Variants in ACSS3 observed in about 807,000 individuals in gnomAD.
The protein encoded by ACSS3 is acyl-CoA synthetase short chain family member 3.
ACSS3 carries 64 observed loss-of-function variants against 84.2 expected under a neutral mutation model. The observed-to-expected ratio is 0.76, with a 90% CI of 0.62 to 0.94. The LOEUF (loss-of-function observed/expected upper bound fraction) is 0.94. Among genes scored for constraint, ACSS3 ranks in the 40% least tolerant of loss-of-function variants. The pLI, the probability that ACSS3 is intolerant of heterozygous loss-of-function variation, is 0.00. For missense variants in ACSS3, 815 were observed against 867.6 expected (o/e 0.94, Z 0.76); for synonymous variants, 317 against 310.1 (o/e 1.02, Z -0.23).
chr12:81,152,322 C>G (rs896545815), intron 7 of ACSS3, among the ~76,000 whole-genome samples: 10 of 138,030 alleles, frequency 7.2e-5, no homozygotes, highest in Middle Eastern at 4.4e-3. Flanking sequence ...GAAGAACATA[C>G]AAAAACAAGC....
At chr12:81,138,480 A>G (rs73359363) in intron 3 of ACSS3, among the ~76,000 whole-genome samples, 6,682 of 152,286 alleles carry the variant, frequency 0.044, 365 homozygotes, top group African/African-American at 0.12. Flanking sequence ...CATTTTGCCT[A>G]CACCTGTGTT....
intron 9 of ACSS3, among the ~76,000 whole-genome samples, chr12:81,213,102 T>G (rs951059136): frequency 2.0e-5 from 3 of 152,206 alleles, no homozygotes; most frequent in African/African-American, 7.2e-5. Context: ...ATTTCCCAAT[T>G]GCAACATGAC....
At chr12:81,236,248 C>T (rs556399416) in intron 13 of ACSS3, among the ~76,000 whole-genome samples, 55 of 151,518 alleles carry the variant, frequency 3.6e-4, no homozygotes, top group African/African-American at 1.2e-3. Flanking sequence ...AACAATGTTA[C>T]GTGAATTACA....
intron 7 of ACSS3, among the ~76,000 whole-genome samples, chr12:81,164,175 T>G (rs949758457): frequency 6.6e-6 from 1 of 152,210 alleles, no homozygotes; most frequent in African/African-American, 2.4e-5. Flanking sequence ...ATATTTTTAC[T>G]GTTATTTTTC....
At chr12:81,224,014 C>A (rs1178440599) in intron 11 of ACSS3, among the ~76,000 whole-genome samples, 1 of 151,942 alleles carries the variant, frequency 6.6e-6, no homozygotes, top group East Asian at 1.9e-4. Flanking sequence ...ATGGCTGTCA[C>A]TGCTGCCTCA....
intron 13 of ACSS3, among the ~76,000 whole-genome samples, chr12:81,248,160 AC>A (rs1315938505): frequency 2.0e-5 from 3 of 152,010 alleles, no homozygotes; most frequent in African/African-American, 7.2e-5. Context: ...TTTTCGAAAA[AC>A]TAAAAGTAGA....
chr12:81,256,451 T>C lies in ACSS3; in HGVS notation c.*1529T>C, dbSNP rs1380378131. On this transcript the variant is annotated 3_prime_UTR_variant, in exon 16 of 16. Transcript: ENST00000548058. Reference sequence around the variant, plus strand: ...AGACAGATGTAGGAAATTAAATATTTGATTTACTTAGGGATCTATATGACA... The same window carrying C: ...AGACAGATGTAGGAAATTAAATATTCGATTTACTTAGGGATCTATATGACA... 2 of 152,172 alleles carry C rather than the reference T, an allele frequency of 1.3e-5. No homozygotes were observed. The highest frequency in any genetic ancestry group is 1.3e-4 in the Admixed American group (2 of 15,270). 9.4% of individuals were successfully genotyped at this position (152,172 alleles called of 1,614,324 possible).
chr12:81,119,178 G>A (rs975346168), intron 2 of ACSS3, among the ~76,000 whole-genome samples: 4 of 152,100 alleles, frequency 2.6e-5, no homozygotes, highest in Non-Finnish European at 2.9e-5. Context: ...GATTTCAAAA[G>A]GGGAGGGGGT....
At chr12:81,155,409 A>G (rs887108318) in intron 7 of ACSS3, among the ~76,000 whole-genome samples, 1 of 152,080 alleles carries the variant, frequency 6.6e-6, no homozygotes, top group Admixed American at 6.6e-5. Flanking sequence ...CTGAGTACTA[A>G]CCTATTGTTA....
rs184147459 is a variant in ACSS3, at chr12:81,256,012, A to T, written c.*1090A>T. On this transcript the variant is annotated 3_prime_UTR_variant, in exon 16 of 16. Coordinates refer to ENST00000548058, the MANE Select transcript of ACSS3 (RefSeq NM_024560.4). ...GGCAAGGAAAACTCTTAAGAGAGAA[A>T]CATCAAGGTTTTCACATTAGGTTAA... The T allele has an allele frequency of 6.6e-6, 1 of 152,218 alleles. No homozygotes were observed. Among genetic ancestry groups the T allele is most frequent in the Non-Finnish European group, 1.5e-5 (1 of 68,046 alleles). The allele number at this position is 152,218 out of a possible 1,614,324, so 9.4% of individuals were successfully genotyped here. A position where few individuals can be genotyped will look rare whatever the true frequency, so the allele number is the denominator to read the frequency against.
intron 9 of ACSS3, among the ~76,000 whole-genome samples, chr12:81,216,637 C>T (rs538810323): frequency 5.9e-5 from 9 of 152,240 alleles, no homozygotes; most frequent in South Asian, 4.1e-4. Context: ...CAATTGCAAA[C>T]GCTAGAGCAG....
chr12:81,243,639 A>C (rs2033885803), intron 13 of ACSS3, among the ~76,000 whole-genome samples: 1 of 152,214 alleles, frequency 6.6e-6, no homozygotes, highest in Non-Finnish European at 1.5e-5. Flanking sequence ...CCAAAACAGC[A>C]TGGTACTGGT....
chr12:81,123,699 C>G (rs907809405), intron 2 of ACSS3, among the ~76,000 whole-genome samples: 1 of 152,112 alleles, frequency 6.6e-6, no homozygotes, highest in Non-Finnish European at 1.5e-5. Context: ...TAGATCCCAC[C>G]TACATGTGAG....
At chr12:81,146,337 A>G (rs372588571) in intron 5 of ACSS3, among the ~76,000 whole-genome samples, 2 of 152,178 alleles carry the variant, frequency 1.3e-5, no homozygotes, top group South Asian at 2.1e-4. Flanking sequence ...AAATCTTAAT[A>G]TGGGATCCAC....
chr12:81,143,181 T>G lies in ACSS3; in HGVS notation c.855T>G (p.Cys285Trp). Residue 285 changes from cysteine to tryptophan, a missense_variant, in exon 5 of 16, where the codon TGT (cysteine) becomes TGG (tryptophan). Coordinates refer to ENST00000548058, the MANE Select transcript of ACSS3 (RefSeq NM_024560.4). Reference sequence around the variant, plus strand: ...TGGCAAAAGCCCAGTCACATGACTGTGTTCCTGTTCTTTCAGAACACCCAC... The same window carrying G: ...TGGCAAAAGCCCAGTCACATGACTGGGTTCCTGTTCTTTCAGAACACCCAC... ...EEMAKAQSHD[C>W]VPVLSEHPLY... 1 of 1,613,756 alleles carries G rather than the reference T, an allele frequency of 6.2e-7. No individual in the cohort carries two copies. Among genetic ancestry groups the G allele is most frequent in the South Asian group, 1.1e-5 (1 of 91,026 alleles).
intron 13 of ACSS3, among the ~76,000 whole-genome samples, chr12:81,250,918 A>C (rs975503425): frequency 6.6e-6 from 1 of 152,154 alleles, no homozygotes; most frequent in Admixed American, 6.5e-5. Flanking sequence ...GTACTAAAAC[A>C]TATATCTGGC....
intron 4 of ACSS3, among the ~76,000 whole-genome samples, chr12:81,142,299 A>G (rs983443865): frequency 5.3e-5 from 8 of 152,210 alleles, no homozygotes; most frequent in South Asian, 2.1e-4. Context: ...TAAGAAAAAA[A>G]CTAGGCTTTT....
intron 1 of ACSS3, among the ~76,000 whole-genome samples, chr12:81,091,096 C>T (rs78646967): frequency 0.022 from 3,259 of 151,498 alleles, 122 homozygotes; most frequent in African/African-American, 0.074. Flanking sequence ...TTTTGATTCA[C>T]GGTTGGTTGA....
Position 81,109,666 on chromosome 12 carries a change from A to G in ACSS3, c.418A>G (p.Thr140Ala). Residue 140 changes from threonine (T) to alanine (A), a missense_variant, in exon 2 of 16, where the codon ACT (threonine) becomes GCT (alanine). Coordinates refer to ENST00000548058, the MANE Select transcript of ACSS3 (RefSeq NM_024560.4). ...AIIYDSPVTN[T>A]KATFTYKEVL... ...CATCTATGACAGTCCTGTTACAAAC[A>G]CTAAAGCAACCTTTACCTATAAAGA... 3 of 1,609,916 alleles carry G rather than the reference A, an allele frequency of 1.9e-6. No individual in the cohort carries two copies. In the African/African-American group the frequency reaches 4.0e-5, roughly 21 times the overall value.
Sources: gnomAD v4.1 joint callset for allele counts (sites outside exome capture counted in the v4.1 genomes callset) on GRCh38, gnomAD v4.1.1 for gene constraint, MANE v1.5 for transcripts, NCBI Gene and HGNC (gene_info 2026-07-23, HGNC 2026-07-21) for gene names.